The following LHFPL4 variants were observed in gnomAD, a reference collection of about 807,000 sequenced individuals.
The protein encoded by LHFPL4 is LHFPL tetraspan subfamily member 4 protein.
LHFPL4 carries 6 observed loss-of-function variants against 20.0 expected under a neutral mutation model. The ratio of observed to expected loss-of-function variants is 0.30; its 90% CI spans 0.16 to 0.59. The LOEUF (loss-of-function observed/expected upper bound fraction) is 0.59. LHFPL4 is among the 20% of genes least tolerant of loss of function. The probability of loss-of-function intolerance (pLI) is 0.88; values close to 1 mark genes in which losing one functional copy is unlikely to be tolerated. For synonymous variants in LHFPL4, 129 were observed against 143.8 expected, an observed-to-expected ratio of 0.90 and a Z score of 0.74; for missense variants, 215 against 331.2, an observed-to-expected ratio of 0.65 and a Z score of 2.72.
chr3:9,543,738 T>TTTTG (rs1374880669), intron 2 of LHFPL4, among the ~76,000 whole-genome samples: 4 of 147,030 alleles, frequency 2.7e-5, no homozygotes, highest in Admixed American at 1.4e-4. Context: ...GGTTTTTTTT[T>TTTTG]TTTTTTTTTT....
intron 2 of LHFPL4, among the ~76,000 whole-genome samples, chr3:9,536,096 CA>C (rs1185157138): frequency 1.3e-5 from 2 of 152,200 alleles, no homozygotes; most frequent in Non-Finnish European, 2.9e-5. Flanking sequence ...CAGGTCTGGC[CA>C]GGGGGGCCAC....
chr3:9,529,573 C>T (rs538138020), intron 2 of LHFPL4, among the ~76,000 whole-genome samples: 6 of 152,222 alleles, frequency 3.9e-5, no homozygotes, highest in South Asian at 2.1e-4. Context: ...TTCCTGAGAG[C>T]GCTTGTGTGA....
At position 9,552,450 on chromosome 3, in the gene LHFPL4, C is replaced by G. The variant is rs1248118206; in HGVS notation, c.230G>C (p.Cys77Ser). The change falls in exon 2 of 4, where the codon TGC becomes TCC. Residue 77 changes from cysteine to serine, a missense_variant. By Grantham distance (112) the Cys-to-Ser change is moderately radical. Coordinates refer to ENST00000287585, the MANE Select transcript of LHFPL4 (RefSeq NM_198560.3). ...GCTGAAGTCGGTGAAGGAGCCCCGG[C>G]AGGTGAGCTCGCGGCCCGCCAGCCC... ...GSGLAGRELT[C>S]RGSFTDFSTI... 1 of 1,613,222 alleles carries G rather than the reference C, an allele frequency of 6.2e-7. No individual in the cohort carries two copies. Among genetic ancestry groups the G allele is most frequent in the Non-Finnish European group, 8.5e-7 (1 of 1,179,806 alleles).
Position 9,506,260 on chromosome 3 carries a change from T to G in LHFPL4, c.407-57A>C. 1 of 1,434,788 alleles carries G rather than the reference T, an allele frequency of 7.0e-7. No homozygotes were observed. The highest frequency in any genetic ancestry group is 9.8e-7 in the Non-Finnish European group (1 of 1,019,618). The allele number at this position is 1,434,788 out of a possible 1,614,324, so 88.9% of individuals were successfully genotyped here. A position where few individuals can be genotyped will look rare whatever the true frequency, so the allele number is the denominator to read the frequency against. On this transcript the variant is annotated intron_variant, in intron 2 of 3. Coordinates refer to ENST00000287585, the MANE Select transcript of LHFPL4 (RefSeq NM_198560.3). The surrounding 1 kb of genome is among the most constrained non-coding windows in gnomAD (Gnocchi z 4.5). ...GGTCAGGAAGGAAGAGAAAAGACCA[T>G]TACTCGCTAGTGTCCGCAGTCTGGG...
intron 3 of LHFPL4, among the ~76,000 whole-genome samples, chr3:9,503,432 C>G (rs1397791516): frequency 6.6e-6 from 1 of 152,132 alleles, no homozygotes; most frequent in African/African-American, 2.4e-5. Context: ...CACAGTAATC[C>G]CGGGGTCTGA....
intron 2 of LHFPL4, among the ~76,000 whole-genome samples, chr3:9,548,848 C>T (rs2046534676): frequency 6.6e-6 from 1 of 152,162 alleles, no homozygotes; most frequent in Non-Finnish European, 1.5e-5. Flanking sequence ...TGGCTCAGCC[C>T]TGGAACGTTT....
chr3:9,517,876 T>C (rs2046314449), intron 2 of LHFPL4, among the ~76,000 whole-genome samples: 1 of 149,484 alleles, frequency 6.7e-6, no homozygotes, highest in African/African-American at 2.5e-5. Flanking sequence ...CAAACAAAGA[T>C]AGTTTTACTT....
chr3:9,547,212 C>G (rs1295777081), intron 2 of LHFPL4, among the ~76,000 whole-genome samples: 1 of 152,180 alleles, frequency 6.6e-6, no homozygotes, highest in Non-Finnish European at 1.5e-5. Flanking sequence ...TGGTCTCAAA[C>G]TCCTAGACTC....
chr3:9,512,892 A>G (rs762170247), intron 2 of LHFPL4, among the ~76,000 whole-genome samples: 1 of 152,204 alleles, frequency 6.6e-6, no homozygotes, highest in Non-Finnish European at 1.5e-5. Context: ...GAAGTTTCTA[A>G]TGACTTCAGG....
At chr3:9,542,200 C>T (rs2648400) in intron 2 of LHFPL4, among the ~76,000 whole-genome samples, 23,652 of 152,122 alleles carry the variant, frequency 0.16, 2,831 homozygotes, top group East Asian at 0.39. Context: ...GCACAAGAAT[C>T]GCTTGAACCC....
intron 2 of LHFPL4, among the ~76,000 whole-genome samples, chr3:9,520,259 A>T (rs1197429769): frequency 2.0e-5 from 3 of 152,124 alleles, no homozygotes; most frequent in Non-Finnish European, 4.4e-5. Flanking sequence ...AATTTGACGC[A>T]AGACTGGGCA....
intron 2 of LHFPL4, among the ~76,000 whole-genome samples, chr3:9,530,592 T>C (rs2046402797): frequency 6.6e-6 from 1 of 152,190 alleles, no homozygotes; most frequent in Non-Finnish European, 1.5e-5. Flanking sequence ...CTGTTTTCTT[T>C]CTCATCATTC....
intron 2 of LHFPL4, among the ~76,000 whole-genome samples, chr3:9,510,299 A>C (rs1453530165): frequency 6.6e-6 from 1 of 152,048 alleles, no homozygotes; most frequent in African/African-American, 2.4e-5. Flanking sequence ...GCACAAGTAC[A>C]TGGTGGCATG....
At chr3:9,534,496 T>C (rs1574850709) in intron 2 of LHFPL4, among the ~76,000 whole-genome samples, 1 of 152,110 alleles carries the variant, frequency 6.6e-6, no homozygotes, top group African/African-American at 2.4e-5. Context: ...TATGTGGGGG[T>C]ATATTTTCTT....
intron 2 of LHFPL4, among the ~76,000 whole-genome samples, chr3:9,518,763 CT>C (rs200085791): frequency 1.3e-3 from 172 of 136,242 alleles, no homozygotes; most frequent in Middle Eastern, 3.8e-3. Flanking sequence ...TTGTTCATTT[CT>C]TTTTTTTTTT....
chr3:9,503,930 G>A (rs972166480), intron 3 of LHFPL4, among the ~76,000 whole-genome samples: 1 of 152,196 alleles, frequency 6.6e-6, no homozygotes, highest in Non-Finnish European at 1.5e-5. Flanking sequence ...GGAGGCTGAG[G>A]CAGGAGAATC....
intron 3 of LHFPL4, among the ~76,000 whole-genome samples, chr3:9,505,632 G>C (rs1255551504): frequency 6.6e-6 from 1 of 152,048 alleles, no homozygotes; most frequent in African/African-American, 2.4e-5. Context: ...CACCGTGTTA[G>C]CCAGGATGGT....
At chr3:9,543,723 G>T (rs1243466721) in intron 2 of LHFPL4, among the ~76,000 whole-genome samples, 10 of 93,706 alleles carry the variant, frequency 1.1e-4, no homozygotes, top group Non-Finnish European at 1.7e-4. Flanking sequence ...TTTGTTTTTG[G>T]TTTTGGTTTT....
At chr3:9,523,986 C>A (rs554511677) in intron 2 of LHFPL4, among the ~76,000 whole-genome samples, 59 of 134,106 alleles carry the variant, frequency 4.4e-4, no homozygotes, top group Admixed American at 7.5e-4. Context: ...TAGTATTTCC[C>A]CCCCCCCCAA....
Sources: gnomAD v4.1 joint callset for allele counts (sites outside exome capture counted in the v4.1 genomes callset) on GRCh38, gnomAD v4.1.1 for gene constraint, Gnocchi (gnomAD v3.1) non-coding constraint, MANE v1.5 for transcripts, NCBI Gene and HGNC (gene_info 2026-07-23, HGNC 2026-07-21) for gene names.